Variants in MSRA observed in about 807,000 individuals in gnomAD.
MSRA encodes mitochondrial peptide methionine sulfoxide reductase.
A neutral mutation model predicts 31.3 loss-of-function variants in MSRA; 54 were observed. The ratio of observed to expected loss-of-function variants is 1.73; its 90% CI spans 1.39 to 2.17. The LOEUF is 2.17. Among genes scored for constraint, MSRA ranks in the 30% most tolerant of loss-of-function variants. The pLI is 0.00. For synonymous variants in MSRA, 169 were observed against 116.5 expected (o/e 1.45, Z -2.90); for missense variants, 507 against 300.9 (o/e 1.69, Z -5.07).
intron 1 of MSRA, among the ~76,000 whole-genome samples, chr8:10,199,172 T>G (rs1808262097): frequency 6.6e-6 from 1 of 152,184 alleles, no homozygotes; most frequent in South Asian, 2.1e-4. Flanking sequence ...CCATGCTGTC[T>G]TCTAGGGCCG....
intron 1 of MSRA, among the ~76,000 whole-genome samples, chr8:10,097,990 C>T (rs936176966): frequency 6.6e-6 from 1 of 151,950 alleles, no homozygotes; most frequent in African/African-American, 2.4e-5. Flanking sequence ...AAAGATGTTC[C>T]TTGTAAAACG....
In MSRA at chr8:10,108,763, A is replaced by T. The variant is rs185463436; in HGVS notation, c.142+54105A>T. Among the ~76,000 whole-genome samples the T allele has an allele frequency of 1.1e-4, 17 of 152,228 alleles. No individual in the cohort carries two copies. The East Asian group carries it at 3.1e-3, about 28-fold the overall frequency. ...CAGAAATGCCTGGCACGTTTTAAAC[A>T]AACTAATGACTGGTGGTTGGTTGTC... On this transcript the variant is annotated intron_variant, in intron 1 of 5. Transcript: ENST00000317173.
At chr8:10,294,562 T>A (rs1436381181) in intron 3 of MSRA, among the ~76,000 whole-genome samples, 2 of 152,000 alleles carry the variant, frequency 1.3e-5, no homozygotes, top group African/African-American at 4.8e-5. Flanking sequence ...CCAAACCGAG[T>A]TCTTGAGCTC....
intron 1 of MSRA, among the ~76,000 whole-genome samples, chr8:10,065,247 C>G (rs1464572189): frequency 6.6e-6 from 1 of 152,182 alleles, no homozygotes; most frequent in East Asian, 1.9e-4. Context: ...AGAGGGCACT[C>G]AGGCAGTCTG....
chr8:10,368,193 T>C (rs1221942395), intron 5 of MSRA, among the ~76,000 whole-genome samples: 1 of 152,200 alleles, frequency 6.6e-6, no homozygotes, highest in Non-Finnish European at 1.5e-5. Context: ...TGACTACAAA[T>C]TTGGTTCATT....
intron 1 of MSRA, among the ~76,000 whole-genome samples, chr8:10,115,633 C>G (rs1204479964): frequency 1.3e-5 from 2 of 152,188 alleles, no homozygotes; most frequent in Non-Finnish European, 2.9e-5. Flanking sequence ...GTGGCGCTTT[C>G]TAAAAGATTG....
chr8:10,317,355 T>C (rs1801784661), intron 4 of MSRA, among the ~76,000 whole-genome samples: 1 of 152,208 alleles, frequency 6.6e-6, no homozygotes, highest in Non-Finnish European at 1.5e-5. Context: ...AAAGATGAGC[T>C]GAGGCTTAGG....
chr8:10,110,120 T>A (rs1358496310), intron 1 of MSRA, among the ~76,000 whole-genome samples: 1 of 152,198 alleles, frequency 6.6e-6, no homozygotes, highest in Non-Finnish European at 1.5e-5. Context: ...TGCCCAGCGT[T>A]CTGACACAGA....
At chr8:10,165,126 G>A (rs931821887) in intron 1 of MSRA, among the ~76,000 whole-genome samples, 1 of 152,128 alleles carries the variant, frequency 6.6e-6, no homozygotes, top group Non-Finnish European at 1.5e-5. Flanking sequence ...GGCTCCCCAG[G>A]TAATTCTAAT....
chr8:10,261,881 A>T (rs1267642744), intron 3 of MSRA, among the ~76,000 whole-genome samples: 2 of 151,944 alleles, frequency 1.3e-5, no homozygotes, highest in Non-Finnish European at 2.9e-5. Context: ...ACCCTCACAA[A>T]CCCCTGGCAA....
chr8:10,135,711 A>AT (rs1802223767), intron 1 of MSRA, among the ~76,000 whole-genome samples: 1 of 152,152 alleles, frequency 6.6e-6, no homozygotes, highest in African/African-American at 2.4e-5. Flanking sequence ...TGAAATTGCC[A>AT]TTTTTATGGG....
chr8:10,402,822 G>T (rs1730719908), intron 5 of MSRA, among the ~76,000 whole-genome samples: 1 of 152,220 alleles, frequency 6.6e-6, no homozygotes, highest in Non-Finnish European at 1.5e-5. Flanking sequence ...AGACTTTCCA[G>T]ACTTGAGATT....
At chr8:10,054,858 T>G (rs79969383) in intron 1 of MSRA, among the ~76,000 whole-genome samples, 200 bp downstream of exon 1, 2,987 of 152,262 alleles carry the variant, frequency 0.02, 76 homozygotes, top group South Asian at 0.12. Flanking sequence ...TTTGTCTTTG[T>G]TTGGCTCGTC....
chr8:10,199,815 T>A (rs1808341159), intron 1 of MSRA, among the ~76,000 whole-genome samples: 1 of 152,230 alleles, frequency 6.6e-6, no homozygotes, highest in South Asian at 2.1e-4. Context: ...TCTTAATAAC[T>A]GGTTGATGAA....
intron 1 of MSRA, among the ~76,000 whole-genome samples, chr8:10,094,000 A>G (rs376803852): frequency 1.3e-5 from 2 of 152,172 alleles, no homozygotes; most frequent in East Asian, 3.8e-4. Context: ...GATTCCTTGC[A>G]CGTGATGAGT....
At chr8:10,129,623 G>C (rs182246081) in intron 1 of MSRA, among the ~76,000 whole-genome samples, 4 of 152,214 alleles carry the variant, frequency 2.6e-5, no homozygotes, top group Admixed American at 2.0e-4. Flanking sequence ...GCATGCATGG[G>C]TTGGACTGTG....
intron 1 of MSRA, among the ~76,000 whole-genome samples, chr8:10,205,951 G>T (rs1321402832): frequency 2.0e-5 from 3 of 152,092 alleles, no homozygotes; most frequent in Non-Finnish European, 2.9e-5. Context: ...AATTTTCTAA[G>T]CAATTCCTCT....
chr8:10,144,782 G>A (rs1363778704), intron 1 of MSRA, among the ~76,000 whole-genome samples: 4 of 152,014 alleles, frequency 2.6e-5, no homozygotes, highest in Admixed American at 1.3e-4. Flanking sequence ...GACAATTGCG[G>A]CTCACAGCTG....
chr8:10,271,782 G>A (rs909860883), intron 3 of MSRA, among the ~76,000 whole-genome samples: 16 of 149,830 alleles, frequency 1.1e-4, no homozygotes, highest in African/African-American at 3.0e-4. Flanking sequence ...ACAGTGGCGC[G>A]ATCTTGGCTC....
Sources: gnomAD v4.1 joint callset for allele counts (sites outside exome capture counted in the v4.1 genomes callset) on GRCh38, gnomAD v4.1.1 for gene constraint, MANE v1.5 for transcripts, NCBI Gene and HGNC (gene_info 2026-07-23, HGNC 2026-07-21) for gene names.